USP34: variants seen among roughly 807,000 people sequenced by gnomAD.
The protein encoded by USP34 is ubiquitin specific peptidase 34.
Under a neutral mutation model 460.3 loss-of-function variants are expected in USP34, and 70 were observed. The ratio of observed to expected loss-of-function variants is 0.15; its 90% CI spans 0.13 to 0.19. The LOEUF (loss-of-function observed/expected upper bound fraction) is 0.19, where lower values mean the gene tolerates loss of function less well. Ranked by LOEUF, USP34 falls within the 10% of genes least tolerant of loss-of-function variation. The probability of loss-of-function intolerance (pLI) is 1.00; values close to 1 mark genes in which losing one functional copy is unlikely to be tolerated. For synonymous variants in USP34, 1,647 were observed against 1,405.3 expected (o/e 1.17, Z -3.85); for missense variants, 3,985 against 4,236.2 (o/e 0.94, Z 1.65).
In USP34 at chr2:61,188,421, T is replaced by C; in HGVS notation, c.10322A>G (p.Asn3441Ser). The C allele has an allele frequency of 9.9e-6, 16 of 1,614,196 alleles. No homozygotes were observed. The highest frequency in any genetic ancestry group is 3.3e-5 in the South Asian group (3 of 91,090). The change falls in exon 80 of 80, where the codon AAT (asparagine) becomes AGT (serine). Residue 3441 changes from asparagine (N) to serine (S), a missense_variant. Physicochemically the swap from Asn to Ser is conservative, Grantham distance 46 (BLOSUM62 1). Coordinates refer to ENST00000398571, the MANE Select transcript of USP34 (RefSeq NM_014709.4). ...TTCTTTACAATCGTCATATCTACCA[T>C]TGTTGGACTGTTCTTCTGCATGCTG... is the stretch of plus-strand genomic sequence containing the variant. ...RSQHAEEQSN[N>S]GRYDDCKEFK...
chr2:61,365,094 C>T (rs915755596), intron 10 of USP34, among the ~76,000 whole-genome samples: 2 of 151,588 alleles, frequency 1.3e-5, no homozygotes, highest in African/African-American at 4.8e-5. Flanking sequence ...TCTACTAAAA[C>T]TACAAAAATT....
In USP34 at chr2:61,206,762, T is replaced by C. The variant is rs1228720548; in HGVS notation, c.9044A>G (p.Lys3015Arg). Residue 3015 changes from lysine to arginine, a missense_variant and splice_region_variant, in exon 71 of 80, where the codon AAA becomes AGA. This residue lies in a region of USP34 where 275 missense variants were observed against 292.7 expected (regional missense o/e 0.94). Coordinates refer to ENST00000398571, the MANE Select transcript of USP34 (RefSeq NM_014709.4). ...LKSTRPYLQR[K>R]DVKQALIQWQ... ...ATAAGAAGTAGGAATGAGCAAACCTTTTCTCTGAAGATAAGGGCGTGTAGA... is the reference window on the plus strand; with the variant it reads ...ATAAGAAGTAGGAATGAGCAAACCTCTTCTCTGAAGATAAGGGCGTGTAGA... 1.9e-6 allele frequency: 3 copies of C among 1,612,976 alleles called. No homozygotes were observed. The highest frequency in any genetic ancestry group is 2.5e-6 in the Non-Finnish European group (3 of 1,179,570).
At chr2:61,459,930 C>T (rs200278945) in intron 1 of USP34, among the ~76,000 whole-genome samples, 2 of 152,070 alleles carry the variant, frequency 1.3e-5, no homozygotes, top group Non-Finnish European at 2.9e-5. Context: ...GACATGGTGG[C>T]GGACGCCTGT....
intron 8 of USP34, among the ~76,000 whole-genome samples, chr2:61,373,882 C>T (rs1470287072): frequency 1.3e-5 from 2 of 152,090 alleles, no homozygotes; most frequent in Non-Finnish European, 1.5e-5. Context: ...TGGCCAAGTA[C>T]GGTGGCTCAC....
chr2:61,420,372 A>T (rs1041209842), intron 2 of USP34, among the ~76,000 whole-genome samples: 26 of 152,330 alleles, frequency 1.7e-4, no homozygotes, highest in African/African-American at 6.0e-4. Context: ...TAGAAACGGA[A>T]CAGATATTAA....
rs1207376489 is a variant in USP34 at position 61,406,107 on chromosome 2, C to T, written c.153G>A (p.Lys51=). Residue 51 remains lysine, a synonymous_variant, in exon 3 of 80, where the codon AAG becomes AAA. Coordinates refer to ENST00000398571, the MANE Select transcript of USP34 (RefSeq NM_014709.4). ...TAAAAATCTCCAAATGCTTATATTC[C>T]TTGAAGCAGCATAGACATTGCCTAT... ...WTQRQCLCCF[K]EYKHLEIFNQ... is the part of the protein sequence containing the mutation. 5 of 1,609,256 alleles carry T rather than the reference C, an allele frequency of 3.1e-6. No homozygotes were observed. The highest frequency in any genetic ancestry group is 4.2e-6 in the Non-Finnish European group (5 of 1,178,338).
At chr2:61,213,583 G>A (rs1376085137) in intron 68 of USP34, among the ~76,000 whole-genome samples, 1 of 152,148 alleles carries the variant, frequency 6.6e-6, no homozygotes, top group African/African-American at 2.4e-5. Context: ...TATGTATCTC[G>A]ATTGATCTCT....
At chr2:61,287,610 T>C (rs962961552) in intron 34 of USP34, among the ~76,000 whole-genome samples, 1 of 152,202 alleles carries the variant, frequency 6.6e-6, no homozygotes, top group African/African-American at 2.4e-5. Flanking sequence ...AAGACCTTTA[T>C]GATGACCCAT....
intron 7 of USP34, among the ~76,000 whole-genome samples, chr2:61,378,779 G>A (rs370944303): frequency 1.3e-5 from 2 of 151,482 alleles, no homozygotes; most frequent in Non-Finnish European, 1.5e-5. Flanking sequence ...GGTGGCATGC[G>A]CCTAAAACGC....
At chr2:61,307,566 A>T (rs1690452662) in intron 27 of USP34, among the ~76,000 whole-genome samples, 6 of 152,120 alleles carry the variant, frequency 3.9e-5, no homozygotes, top group Admixed American at 2.6e-4. Flanking sequence ...TTAAAAAAAA[A>T]AATAAAGTTC....
In USP34 at chr2:61,319,156, G is replaced by A. The variant is rs773400933; in HGVS notation, c.3168+17C>T. The stretch of plus-strand genomic sequence containing the variant: ...GAACATGGAAAAATAATAACAAACT[G>A]AGAGAAATGTAATTACCTTCTCCAG... On this transcript the variant is annotated intron_variant, in intron 22 of 79. Coordinates refer to ENST00000398571, the MANE Select transcript of USP34 (RefSeq NM_014709.4). 1 of 1,536,034 alleles carries A rather than the reference G, an allele frequency of 6.5e-7. No individual in the cohort carries two copies.
intron 3 of USP34, among the ~76,000 whole-genome samples, chr2:61,398,745 C>A (rs1389797127): frequency 6.6e-6 from 1 of 152,162 alleles, no homozygotes; most frequent in Non-Finnish European, 1.5e-5. Flanking sequence ...TTAAGTTACA[C>A]TGCTGAAATA....
intron 33 of USP34, among the ~76,000 whole-genome samples, chr2:61,289,413 T>C (rs1187738285): frequency 2.6e-5 from 4 of 152,138 alleles, no homozygotes; most frequent in African/African-American, 9.7e-5. Flanking sequence ...TTTAAAAAGT[T>C]GTTTTAAATA....
chr2:61,446,579 T>TA (rs1463403844), intron 1 of USP34, among the ~76,000 whole-genome samples: 10 of 152,144 alleles, frequency 6.6e-5, no homozygotes, highest in African/African-American at 2.2e-4. Flanking sequence ...GCAGATCACT[T>TA]AAAGTCAGGA....
At chr2:61,445,158 CCACACTAAA>C (rs1695072996) in intron 1 of USP34, among the ~76,000 whole-genome samples, 2 of 145,624 alleles carry the variant, frequency 1.4e-5, no homozygotes, top group Admixed American at 7.1e-5. Flanking sequence ...AACAGCAGAA[CCACACTAAA>C]CACACACACA....
At chr2:61,374,130 T>G (rs1289383271) in intron 8 of USP34, among the ~76,000 whole-genome samples, 1 of 139,140 alleles carries the variant, frequency 7.2e-6, no homozygotes, top group Non-Finnish European at 1.5e-5. Flanking sequence ...CACTTCAGCC[T>G]GGGCAATAGA....
intron 20 of USP34, among the ~76,000 whole-genome samples, chr2:61,326,708 T>C (rs1014090023): frequency 3.9e-5 from 6 of 151,970 alleles, no homozygotes; most frequent in African/African-American, 1.4e-4. Context: ...CCCAAACTGC[T>C]TTGCCAACAT....
intron 21 of USP34, among the ~76,000 whole-genome samples, chr2:61,323,629 C>G (rs1309493626): frequency 6.6e-6 from 1 of 151,802 alleles, no homozygotes; most frequent in East Asian, 1.9e-4. Flanking sequence ...GTGGGGAGAA[C>G]AGCCATGATG....
rs754100205 is a variant in USP34, at chr2:61,383,278, T to C, written c.812A>G (p.Tyr271Cys). The C allele has an allele frequency of 1.9e-6, 3 of 1,598,186 alleles. No homozygotes were observed. The highest frequency in any genetic ancestry group is 2.3e-5 in the South Asian group (2 of 87,834). The part of the protein sequence containing the change: ...VMQHIIPFRT[Y>C]VIRYLCKLSD... ...AATTTTATAAACTTACCTAATAACATAGGTCCTAAAAGGTATAATGTGCTG... is the reference window on the plus strand; with the variant it reads ...AATTTTATAAACTTACCTAATAACACAGGTCCTAAAAGGTATAATGTGCTG... Residue 271 changes from tyrosine to cysteine, a missense_variant, in exon 6 of 80, where the codon TAT (tyrosine) becomes TGT (cysteine). Physicochemically the swap from Tyr to Cys is radical, Grantham distance 194 (BLOSUM62 -2). Coordinates refer to ENST00000398571, the MANE Select transcript of USP34 (RefSeq NM_014709.4).
Sources: gnomAD v4.1 joint callset for allele counts (sites outside exome capture counted in the v4.1 genomes callset) on GRCh38, gnomAD v4.1.1 for gene constraint, gnomAD v4.1.1 regional missense constraint, MANE v1.5 for transcripts, NCBI Gene and HGNC (gene_info 2026-07-23, HGNC 2026-07-21) for gene names.